TENM1: variants seen among roughly 807,000 people sequenced by gnomAD.
TENM1 encodes the protein teneurin transmembrane protein 1.
A neutral mutation model predicts 174.8 loss-of-function variants in TENM1; 35 were observed. The ratio of observed to expected loss-of-function variants is 0.20; its 90% CI spans 0.15 to 0.27. The LOEUF is 0.27. TENM1 is among the 10% of genes least tolerant of loss of function. The probability of loss-of-function intolerance (pLI) is 1.00; values close to 1 mark genes in which losing one functional copy is unlikely to be tolerated. For missense variants in TENM1, 1,633 were observed against 2,130.1 expected, an observed-to-expected ratio of 0.77 and a Z score of 4.59; for synonymous variants, 781 against 798.7, an observed-to-expected ratio of 0.98 and a Z score of 0.37.
At chrX:125,186,966 T>C in the TENM1 span, among the ~76,000 whole-genome samples, 2 of 112,263 alleles carry the variant, frequency 1.8e-5, no homozygotes, top group African/African-American at 6.5e-5. Flanking sequence ...ATATGAACTT[T>C]TAAAAAGTCA....
At chrX:124,536,741 A>C (rs765469634) in intron 15 of TENM1, among the ~76,000 whole-genome samples, 1 of 112,175 alleles carries the variant, frequency 8.9e-6, no homozygotes, top group South Asian at 3.7e-4. Flanking sequence ...ATTTTCGTCC[A>C]GAATTTGAAT....
chrX:125,116,943 G>A, the TENM1 span, among the ~76,000 whole-genome samples: 1 of 107,074 alleles, frequency 9.3e-6, no homozygotes, highest in South Asian at 4.3e-4. Flanking sequence ...CCCAGGAGAT[G>A]GAGATTGCAG....
In TENM1 at chrX:124,732,881, G is replaced by T. The variant is rs192162195; in HGVS notation, c.776+4076C>A. On this transcript the variant is annotated intron_variant, in intron 4 of 31. Coordinates refer to ENST00000422452, the Ensembl canonical transcript of TENM1. Reference sequence around the variant, plus strand: ...GTCTTATTAATGCTAGAGATCCACAGTCTTTGCCTTTCCTTTGGGGATTGA... The same window carrying T: ...GTCTTATTAATGCTAGAGATCCACATTCTTTGCCTTTCCTTTGGGGATTGA... 1.5e-4 allele frequency among the ~76,000 whole-genome samples: 17 copies of T among 112,344 alleles called. No individual in the cohort carries two copies. In the East Asian group the frequency reaches 4.8e-3, roughly 31 times the overall value.
intron 3 of TENM1, among the ~76,000 whole-genome samples, chrX:124,775,567 C>T (rs1482362856): frequency 3.6e-5 from 4 of 111,741 alleles, no homozygotes; most frequent in East Asian, 2.8e-4. Context: ...TGTCTGATAG[C>T]GAGAGAGAGA....
chrX:124,501,119 T>G (rs2047320885), intron 19 of TENM1, among the ~76,000 whole-genome samples: 1 of 111,777 alleles, frequency 8.9e-6, no homozygotes, highest in South Asian at 3.8e-4. Context: ...AGGGGATATG[T>G]TTGGTAAAAG....
intron 3 of TENM1, among the ~76,000 whole-genome samples, chrX:124,834,591 A>T (rs1032106483): frequency 8.9e-6 from 1 of 111,769 alleles, no homozygotes; most frequent in Non-Finnish European, 1.9e-5. Context: ...GGCAACTTGG[A>T]TCTATGCTCC....
chrX:124,947,137 C>T (rs780817718), intron 1 of TENM1, among the ~76,000 whole-genome samples: 2 of 111,570 alleles, frequency 1.8e-5, no homozygotes, highest in Non-Finnish European at 3.8e-5. Context: ...AGAACACTGT[C>T]CCTTGGCCAT....
At chrX:124,723,603 G>GTTTTTTTTTTTTTTTTTTTTTTTT (rs1198093791) in intron 4 of TENM1, among the ~76,000 whole-genome samples, 1 of 74,941 alleles carries the variant, frequency 1.3e-5, no homozygotes, top group African/African-American at 5.2e-5. Flanking sequence ...TTTTTTTTTT[G>GTTTTTTTTTTTTTTTTTTTTTTTT]TTTTTTTTTT....
chrX:124,769,622 G>C (rs770237438), intron 3 of TENM1, among the ~76,000 whole-genome samples: 7 of 112,000 alleles, frequency 6.3e-5, no homozygotes, highest in Non-Finnish European at 1.3e-4. Context: ...TCAATGTTTT[G>C]AGTTCATCTG....
upstream of TENM1, among the ~76,000 whole-genome samples, chrX:124,966,545 C>T (rs935001761): frequency 3.4e-4 from 37 of 107,718 alleles, no homozygotes; most frequent in Non-Finnish European, 6.7e-4. Context: ...GCCTGTAGTC[C>T]CAGCTACTCG....
chrX:124,490,427 C>T (rs766918449), intron 20 of TENM1, among the ~76,000 whole-genome samples: 4 of 111,889 alleles, frequency 3.6e-5, no homozygotes, highest in Admixed American at 2.8e-4. Context: ...GTTCCTTCAG[C>T]GGAGAGCTCT....
intron 25 of TENM1, among the ~76,000 whole-genome samples, chrX:124,413,928 C>G (rs956092616): frequency 6.0e-4 from 67 of 111,848 alleles, no homozygotes; most frequent in African/African-American, 1.9e-3. Context: ...AATATCTCAC[C>G]CAGAGACATG....
At chrX:125,066,456 G>C in the TENM1 span, among the ~76,000 whole-genome samples, 5 of 111,325 alleles carry the variant, frequency 4.5e-5, no homozygotes, top group Middle Eastern at 4.7e-3. Flanking sequence ...AATCCTCAAA[G>C]TGTACACTGC....
the TENM1 span, among the ~76,000 whole-genome samples, chrX:125,087,713 C>A: frequency 9.0e-6 from 1 of 111,161 alleles, no homozygotes; most frequent in Non-Finnish European, 1.9e-5. Context: ...ACACAGGAAT[C>A]AAGTGAAAGA....
chrX:125,085,258 T>G, the TENM1 span, among the ~76,000 whole-genome samples: 1 of 111,160 alleles, frequency 9.0e-6, no homozygotes, highest in Non-Finnish European at 1.9e-5. Flanking sequence ...TACCTGCCCA[T>G]TATTCTATTA....
intron 18 of TENM1, among the ~76,000 whole-genome samples, chrX:124,516,349 A>G (rs914455941): frequency 8.9e-6 from 1 of 112,214 alleles, no homozygotes; most frequent in African/African-American, 3.2e-5. Context: ...AAATTGACAA[A>G]TGGGATCTAA....
At chrX:125,027,874 A>C in the TENM1 span, among the ~76,000 whole-genome samples, 1 of 111,734 alleles carries the variant, frequency 8.9e-6, no homozygotes, top group Non-Finnish European at 1.9e-5. Flanking sequence ...CATGTGAAAA[A>C]GTACTTTACC....
chrX:124,971,655 CA>C, the TENM1 span, among the ~76,000 whole-genome samples: 1 of 111,474 alleles, frequency 9.0e-6, no homozygotes, highest in Non-Finnish European at 1.9e-5. Context: ...ATTAATGAGC[CA>C]AAAGCTTTGA....
chrX:124,422,787 AGG>A (rs1224064897), intron 23 of TENM1, 149 bp from the exon 27 acceptor site: 7 of 494,894 alleles, frequency 1.4e-5, no homozygotes, highest in Non-Finnish European at 2.4e-5. Context: ...AGTGGAGGGC[AGG>A]GGGAGGATGG....
Sources: allele counts gnomAD v4.1 joint callset (sites outside exome capture counted in the v4.1 genomes callset), GRCh38; gene constraint gnomAD v4.1.1; transcripts MANE v1.5; gene names NCBI Gene and HGNC (gene_info 2026-07-23, HGNC 2026-07-21).